The following LIPA variants were observed in gnomAD, a reference collection of about 807,000 sequenced individuals.
The protein encoded by LIPA is lysosomal acid lipase/cholesteryl ester hydrolase.
Under a neutral mutation model 40.6 loss-of-function variants are expected in LIPA, and 26 were observed. That is an observed-to-expected ratio of 0.64 (90% CI 0.47 to 0.89). LIPA has a LOEUF of 0.89. Among genes scored for constraint, LIPA ranks in the 40% least tolerant of loss-of-function variants. The pLI is 0.00. For synonymous variants in LIPA, 188 were observed against 168.4 expected (o/e 1.12, Z -0.90); for missense variants, 455 against 479.6 (o/e 0.95, Z 0.48).
intron 1 of LIPA, among the ~76,000 whole-genome samples, chr10:89,265,604 T>C (rs1445094281): frequency 1.3e-5 from 2 of 152,270 alleles, no homozygotes; most frequent in East Asian, 1.9e-4. Flanking sequence ...TAAAATGTTG[T>C]TCATAGGGTC....
At chr10:89,413,784 C>CAAAAAAAAA (rs1564815971) in intron 1 of LIPA, among the ~76,000 whole-genome samples, 17 of 76,210 alleles carry the variant, frequency 2.2e-4, no homozygotes, top group Admixed American at 1.7e-3. Flanking sequence ...AAAAAAAAAC[C>CAAAAAAAAA]AAAATCAATG....
At chr10:89,289,236 T>C (rs1008051480) in intron 1 of LIPA, among the ~76,000 whole-genome samples, 2 of 152,234 alleles carry the variant, frequency 1.3e-5, no homozygotes, top group Non-Finnish European at 2.9e-5. Context: ...TTCTATTCTA[T>C]CGTCATTTCA....
At chr10:89,340,015 G>A in intron 1 of LIPA, 12 of 1,614,216 alleles carry the variant, frequency 7.4e-6, no homozygotes, top group Non-Finnish European at 1.0e-5. Context: ...TTCAGGCATA[G>A]GCAGTATTTT....
At chr10:89,374,475 G>C (rs1260269460) in intron 2 of LIPA, among the ~76,000 whole-genome samples, 3 of 152,204 alleles carry the variant, frequency 2.0e-5, no homozygotes. Context: ...TTGAGCCAGA[G>C]CCTCACAGAA....
rs147383778 is a variant in LIPA at position 89,221,597 on chromosome 10, A to G, written c.894+914T>C. On this transcript the variant is annotated intron_variant, in intron 8 of 9. Coordinates refer to ENST00000336233, the MANE Select transcript of LIPA (RefSeq NM_000235.4). ...GGAAATTACTATTCAAGACACCTAC[A>G]GTGTCTTGGTTTAGGGCTTAAATGG... 4.7e-3 allele frequency among the ~76,000 whole-genome samples: 715 copies of G among 152,312 alleles called. 2 individuals carry two copies. The highest frequency in any genetic ancestry group is 7.6e-3 in the Non-Finnish European group (518 of 68,024).
chr10:89,286,281 A>C (rs1843340525), intron 1 of LIPA, among the ~76,000 whole-genome samples: 1 of 151,828 alleles, frequency 6.6e-6, no homozygotes. Flanking sequence ...AGTGTCACTA[A>C]GTCTTTCCAA....
At position 89,339,184 on chromosome 10, in the gene LIPA, G is replaced by C. The variant is rs139732815; in HGVS notation, c.-2+3427C>G. The C allele has an allele frequency of 4.3e-6, 7 of 1,614,044 alleles. No individual in the cohort carries two copies. The African/African-American group carries it at 5.3e-5, about 12-fold the overall frequency. ...CAACCCAGAATTCTCCTCTGGACTG[G>C]CAATTGCGATGTACCATCTGGATAA... is the stretch of plus-strand genomic sequence containing the variant. On this transcript the variant is annotated intron_variant, in intron 1 of 5. Coordinates refer to the LIPA transcript ENST00000282673.
chr10:89,383,317 A>G, intron 2 of LIPA: 1 of 1,601,544 alleles, frequency 6.2e-7, no homozygotes, highest in Non-Finnish European at 8.5e-7. Context: ...CTATTTTTAC[A>G]GTGAAGAATC....
At chr10:89,226,748 C>T (rs1460676431) in intron 5 of LIPA, 147 bp downstream of exon 5, 1 of 628,196 alleles carries the variant, frequency 1.6e-6, no homozygotes, top group Non-Finnish European at 2.8e-6. Flanking sequence ...ATGTTACCAA[C>T]ATTCCTTATC....
At chr10:89,299,682 T>C (rs774415528) in intron 1 of LIPA, among the ~76,000 whole-genome samples, 1 of 151,586 alleles carries the variant, frequency 6.6e-6, no homozygotes, top group Non-Finnish European at 1.5e-5. Flanking sequence ...TCAACATCAC[T>C]CAACCCCAAG....
At chr10:89,329,965 T>TG (rs1163145464) in intron 1 of LIPA, among the ~76,000 whole-genome samples, 1 of 151,596 alleles carries the variant, frequency 6.6e-6, no homozygotes, top group Non-Finnish European at 1.5e-5. Context: ...TGGGCAGGTG[T>TG]GGGGGTCACA....
chr10:89,367,969 C>T (rs1239112303), intron 2 of LIPA, among the ~76,000 whole-genome samples: 4 of 152,102 alleles, frequency 2.6e-5, no homozygotes, highest in Non-Finnish European at 5.9e-5. Flanking sequence ...CAGGTGTGCA[C>T]CACTATGCCT....
intron 1 of LIPA, among the ~76,000 whole-genome samples, chr10:89,310,985 C>T (rs1011507676): frequency 1.3e-5 from 2 of 152,154 alleles, no homozygotes; most frequent in African/African-American, 4.8e-5. Flanking sequence ...TGAAACCCTT[C>T]TAGAGATCTG....
intron 2 of LIPA, among the ~76,000 whole-genome samples, chr10:89,397,557 A>G (rs1477047719): frequency 6.6e-6 from 1 of 152,000 alleles, no homozygotes; most frequent in Non-Finnish European, 1.5e-5. Flanking sequence ...TTTTCTTTTT[A>G]TAGAGACAGG....
chr10:89,413,005 C>T (rs1164478164), intron 1 of LIPA: 5 of 175,878 alleles, frequency 2.8e-5, no homozygotes, highest in Middle Eastern at 2.4e-3. Flanking sequence ...TGCTCTCCCT[C>T]CCACCACCCC....
intron 1 of LIPA, chr10:89,306,543 A>AC: frequency 6.2e-7 from 1 of 1,614,076 alleles, no homozygotes. Flanking sequence ...AACGCCATTG[A>AC]CCCTCTGAGG....
intron 3 of LIPA, among the ~76,000 whole-genome samples, chr10:89,231,441 A>C (rs1842841438): frequency 6.6e-6 from 1 of 151,844 alleles, no homozygotes. Flanking sequence ...TTAAAATAGC[A>C]GGACCCCAGG....
At chr10:89,410,704 A>G (rs554148488) in intron 2 of LIPA, among the ~76,000 whole-genome samples, 1 of 152,388 alleles carries the variant, frequency 6.6e-6, no homozygotes, top group Admixed American at 6.5e-5. Context: ...ATATGGAAAG[A>G]AAGGGAGTTC....
At chr10:89,316,032 A>G (rs1446381196) in intron 1 of LIPA, among the ~76,000 whole-genome samples, 2 of 152,224 alleles carry the variant, frequency 1.3e-5, no homozygotes, top group Non-Finnish European at 2.9e-5. Context: ...AGTCTTTCAT[A>G]TAACCGGCTC....
Sources: allele counts gnomAD v4.1 joint callset (sites outside exome capture counted in the v4.1 genomes callset), GRCh38; gene constraint gnomAD v4.1.1; transcripts MANE v1.5; gene names NCBI Gene and HGNC (gene_info 2026-07-23, HGNC 2026-07-21).